Variants in FBF1 observed in about 807,000 individuals in gnomAD.
The protein encoded by FBF1 is fas-binding factor 1.
In FBF1, 119 loss-of-function variants were observed where a neutral mutation model predicts 147.2. The ratio of observed to expected loss-of-function variants is 0.81; its 90% CI spans 0.70 to 0.94. The LOEUF is 0.94. FBF1 is among the 40% of genes least tolerant of loss of function. FBF1 has a pLI of 0.00. For synonymous variants in FBF1, 601 were observed against 609.0 expected, an observed-to-expected ratio of 0.99 and a Z score of 0.19; for missense variants, 1,449 against 1,500.8, an observed-to-expected ratio of 0.97 and a Z score of 0.57.
In FBF1 at chr17:75,931,294, A is replaced by C. The variant is rs2065593223; in HGVS notation, c.168-5T>G. ...ACATCATCACCCAGGAGGGACCTGCAAAGGGGAGGCGTCAGCCCCTACCTG... is the reference window on the plus strand; with the variant it reads ...ACATCATCACCCAGGAGGGACCTGCCAAGGGGAGGCGTCAGCCCCTACCTG... On this transcript the variant is annotated splice_region_variant and splice_polypyrimidine_tract_variant and intron_variant, in intron 5 of 29. Transcript: ENST00000636174. 1 of 1,580,578 alleles carries C rather than the reference A, an allele frequency of 6.3e-7. No individual in the cohort carries two copies. The highest frequency in any genetic ancestry group is 8.6e-7 in the Non-Finnish European group (1 of 1,163,446).
chr17:75,926,190 C>T (rs188948107), intron 11 of FBF1, 27 bp from the exon 12 acceptor site: 48 of 1,604,918 alleles, frequency 3.0e-5, no homozygotes, highest in Admixed American at 5.1e-5. Context: ...ACGGCAGGAA[C>T]GTGTAGGTAT....
rs775013778 is a variant in FBF1, at chr17:75,923,559, G to T, written c.1051C>A (p.Gln351Lys). The change falls in exon 14 of 30, where the codon CAG becomes AAG. Residue 351 changes from glutamine to lysine, a missense_variant. Physicochemically the swap from Gln to Lys is moderately conservative, Grantham distance 53. Coordinates refer to ENST00000636174, the MANE Select transcript of FBF1 (RefSeq NM_001319193.2). The surrounding 1 kb of genome is among the most constrained non-coding windows in gnomAD (Gnocchi z 4.1). ...QSPPMASSPI[Q>K]PRKGGADWLG... ...CAGTCAGCTCCTCCCTTCCTGGGCTGGATGGGGCTGGAAGCCATTGGAGGG... is the reference window on the plus strand; with the variant it reads ...CAGTCAGCTCCTCCCTTCCTGGGCTTGATGGGGCTGGAAGCCATTGGAGGG... 2.5e-6 allele frequency: 4 copies of T among 1,609,434 alleles called. No individual in the cohort carries two copies. The highest frequency in any genetic ancestry group is 1.7e-4 in the Middle Eastern group (1 of 6,056).
At chr17:75,924,554 C>T (rs1442297822) in intron 13 of FBF1, among the ~76,000 whole-genome samples, 1 of 152,222 alleles carries the variant, frequency 6.6e-6, no homozygotes, top group East Asian at 1.9e-4. Flanking sequence ...CTCAGCTCAC[C>T]ACAACTTCCG....
chr17:75,912,361 C>T (rs559862300), intron 28 of FBF1, 54 bp from the exon 29 acceptor site: 39 of 1,387,782 alleles, frequency 2.8e-5, no homozygotes, highest in South Asian at 1.3e-4. Flanking sequence ...AAATACCGGG[C>T]GGTCACAGCT....
chr17:75,913,784 C>T lies in FBF1; in HGVS notation c.3165G>A (p.Leu1055=). The T allele has an allele frequency of 1.9e-6, 3 of 1,605,890 alleles. No homozygotes were observed. The highest frequency in any genetic ancestry group is 2.5e-6 in the Non-Finnish European group (3 of 1,179,222). Residue 1055 remains leucine, a synonymous_variant, in exon 28 of 30, where the codon CTG becomes CTA. Transcript: ENST00000636174. Reference sequence around the variant, plus strand: ...AGGGCAGGTCCTGTCGTGCGCGGTCCAGTTGCAGCCTCTGCTGGGCCAGAC... The same window carrying T: ...AGGGCAGGTCCTGTCGTGCGCGGTCTAGTTGCAGCCTCTGCTGGGCCAGAC... ...HLSLAQQRLQ[L]DRARQDLPSS... is the part of the protein sequence containing the mutation.
At position 75,922,002 on chromosome 17, in the gene FBF1, C is replaced by A; in HGVS notation, c.1469G>T (p.Gly490Val). The A allele has an allele frequency of 6.4e-7, 1 of 1,551,870 alleles. No homozygotes were observed. The highest frequency in any genetic ancestry group is 1.2e-5 in the South Asian group (1 of 84,056). Residue 490 changes from glycine to valine, a missense_variant, in exon 15 of 30, where the codon GGA becomes GTA. Gly to Val is a moderately radical substitution (Grantham distance 109, BLOSUM62 -3). Transcript: ENST00000636174. The surrounding 1 kb of genome is among the most constrained non-coding windows in gnomAD (Gnocchi z 5.0). ...TCGTGCAGTTGTTCCAGAACTCCCT[C>A]CAGCAGCTGCGTGCTCAAGCCCTTG... is the stretch of plus-strand genomic sequence containing the variant. ...STQGLEHAAA[G>V]GSSGTTARER...
rs553003485 is a variant in FBF1 at position 75,922,255 on chromosome 17, A to G, written c.1425-209T>C. ...CTTCCAGTACCCCCTTCCTGCCTCA[A>G]TGTCCACAGTGGTGCAGTGAATGGA... is the stretch of plus-strand genomic sequence containing the variant. On this transcript the variant is annotated intron_variant, in intron 14 of 29. Transcript: ENST00000636174. The surrounding 1 kb of genome is among the most constrained non-coding windows in gnomAD (Gnocchi z 5.0). 6.6e-5 allele frequency among the ~76,000 whole-genome samples: 10 copies of G among 151,966 alleles called. No homozygotes were observed. Among genetic ancestry groups the G allele is most frequent in the South Asian group, 4.1e-4 (2 of 4,832 alleles).
intron 5 of FBF1, among the ~76,000 whole-genome samples, chr17:75,932,639 A>C (rs1183670185): frequency 2.0e-5 from 3 of 152,140 alleles, no homozygotes; most frequent in Admixed American, 2.0e-4. Context: ...CTGTAATCCC[A>C]GCACTTTGGG....
At position 75,918,177 on chromosome 17, in the gene FBF1, G is replaced by A. The variant is rs1002722215; in HGVS notation, c.2231C>T (p.Ala744Val). The A allele has an allele frequency of 1.9e-6, 3 of 1,613,350 alleles. No individual in the cohort carries two copies. The highest frequency in any genetic ancestry group is 1.7e-5 in the Admixed American group (1 of 59,992). Residue 744 changes from alanine (A) to valine (V), a missense_variant, in exon 21 of 30, where the codon GCC becomes GTC. Physicochemically the swap from Ala to Val is moderately conservative, Grantham distance 64. Transcript: ENST00000636174. The surrounding 1 kb of genome is among the most constrained non-coding windows in gnomAD (Gnocchi z 5.8). ...KDREVDAATS[A>V]TSHTRSLNSI... Reference sequence around the variant, plus strand: ...GCGCACATACCGCGTGTGGGAGGTGGCACTGGTGGCCGCATCGACCTCTCG... The same window carrying A: ...GCGCACATACCGCGTGTGGGAGGTGACACTGGTGGCCGCATCGACCTCTCG...
At chr17:75,921,386 G>A in intron 16 of FBF1, 84 bp from the exon 17 acceptor site, 1 of 1,548,818 alleles carries the variant, frequency 6.5e-7, no homozygotes, top group Non-Finnish European at 8.8e-7. Context: ...TGTAACTCAT[G>A]TCCCAGGGAC....
In FBF1 at chr17:75,918,093, C is replaced by T; in HGVS notation, c.2247-23G>A. ...GACCTGGAAGAAGACTGGGTCACCC[C>T]CTCCTGACGGTCTCGGGGACCTTCC... On this transcript the variant is annotated intron_variant, in intron 21 of 29. Coordinates refer to ENST00000636174, the MANE Select transcript of FBF1 (RefSeq NM_001319193.2). This position sits in a 1 kb window ranked among gnomAD's most constrained non-coding sequence, Gnocchi z 5.8. 6.2e-7 allele frequency: 1 copy of T among 1,605,786 alleles called. No individual in the cohort carries two copies. Among genetic ancestry groups the T allele is most frequent in the Non-Finnish European group, 8.5e-7 (1 of 1,174,522 alleles).
intron 23 of FBF1, 66 bp from the exon 24 acceptor site, chr17:75,915,205 T>G (rs2065481654): frequency 6.5e-7 from 1 of 1,535,424 alleles, no homozygotes; most frequent in Admixed American, 1.9e-5. Context: ...GGCCACTCCC[T>G]GAGAAGCTGC....
chr17:75,914,506 G>C, intron 25 of FBF1: 1 of 892,054 alleles, frequency 1.1e-6, no homozygotes, highest in Non-Finnish European at 1.6e-6. Flanking sequence ...TCTGAAGTTC[G>C]GTTTCCTCAT....
chr17:75,937,435 G>A (rs912169675), intron 3 of FBF1, 131 bp downstream of exon 3: 24 of 952,104 alleles, frequency 2.5e-5, no homozygotes, highest in Admixed American at 1.2e-4. Flanking sequence ...CTCCCAAAGC[G>A]CTGGGATTAC....
In FBF1 at chr17:75,935,166, AT is replaced by A. The variant is rs556762409; in HGVS notation, c.73+465del. ...CTTTATGCTATATAAATTACATCTC[AT>A]TTTTTTTTTTTTTTTGAGACGGAGT... On this transcript the variant is annotated intron_variant, in intron 4 of 29. Coordinates refer to ENST00000636174, the MANE Select transcript of FBF1 (RefSeq NM_001319193.2). 8.0e-3 allele frequency among the ~76,000 whole-genome samples: 1,139 copies of A among 142,344 alleles called. 9 individuals are homozygous for A. The highest frequency in any genetic ancestry group is 0.024 in the African/African-American group (935 of 38,912). The allele number at this position is 142,344 out of a possible 152,430, so 93.4% of individuals were successfully genotyped here. A position where few individuals can be genotyped will look rare whatever the true frequency, so the allele number is the denominator to read the frequency against.
intron 17 of FBF1, among the ~76,000 whole-genome samples, 197 bp downstream of exon 17, chr17:75,921,047 G>T (rs974567316): frequency 3.9e-5 from 6 of 152,210 alleles, no homozygotes; most frequent in African/African-American, 1.4e-4. Flanking sequence ...TTAACACCCA[G>T]CTCTGCCCAG....
intron 10 of FBF1, 83 bp downstream of exon 10, chr17:75,926,675 C>G (rs2065563841): frequency 3.2e-6 from 5 of 1,544,554 alleles, no homozygotes. Flanking sequence ...GGAGAGGCCT[C>G]TGGTTCTGCA....
chr17:75,930,789 G>A (rs1374945227), intron 6 of FBF1, among the ~76,000 whole-genome samples: 1 of 152,150 alleles, frequency 6.6e-6, no homozygotes, highest in Non-Finnish European at 1.5e-5. Context: ...AGGCGTGGTG[G>A]TGGGTGCCTG....
In FBF1 at chr17:75,938,773, G is replaced by A. The variant is rs546820294; in HGVS notation, c.-83-541C>T. Among the ~76,000 whole-genome samples the A allele has an allele frequency of 9.7e-4, 147 of 151,924 alleles. 1 individual carries two copies. The highest frequency in any genetic ancestry group is 3.4e-3 in the Middle Eastern group (1 of 294). ...CCCAGCTACTTGGCAGGCTGAGGCA[G>A]GAGAATCGCTTGAACCCGCTAGACG... On this transcript the variant is annotated intron_variant, in intron 1 of 29. Transcript: ENST00000636174.
Sources: allele counts gnomAD v4.1 joint callset (sites outside exome capture counted in the v4.1 genomes callset), GRCh38; gene constraint gnomAD v4.1.1; non-coding constraint Gnocchi (gnomAD v3.1); transcripts MANE v1.5; gene names NCBI Gene and HGNC (gene_info 2026-07-23, HGNC 2026-07-21).